The following FOXP1 variants were observed in gnomAD, a reference collection of about 807,000 sequenced individuals.
FOXP1 encodes forkhead box protein P1.
A neutral mutation model predicts 98.2 loss-of-function variants in FOXP1; 15 were observed. The observed-to-expected ratio is 0.15, with a 90% confidence interval of 0.10 to 0.24. The LOEUF (loss-of-function observed/expected upper bound fraction) is 0.24, where lower values mean the gene tolerates loss of function less well. Ranked by LOEUF, FOXP1 falls within the 10% of genes least tolerant of loss-of-function variation. FOXP1 has a pLI of 1.00. For synonymous variants in FOXP1, 371 were observed against 314.5 expected (o/e 1.18, Z -1.90); for missense variants, 633 against 848.5 (o/e 0.75, Z 3.15).
intron 7 of FOXP1, among the ~76,000 whole-genome samples, chr3:71,076,867 C>T (rs957819819): frequency 1.3e-5 from 2 of 152,122 alleles, no homozygotes; most frequent in African/African-American, 4.8e-5. Context: ...GTGTTCTTTA[C>T]TCCTATCCTG....
chr3:71,328,972 G>A (rs1490835874), intron 4 of FOXP1, among the ~76,000 whole-genome samples: 2 of 46,314 alleles, frequency 4.3e-5, no homozygotes, highest in African/African-American at 6.6e-5. Flanking sequence ...ACTCCATCTC[G>A]CTAAAAAAAA....
intron 2 of FOXP1, among the ~76,000 whole-genome samples, chr3:71,498,046 G>C (rs953301956): frequency 6.6e-6 from 1 of 152,222 alleles, no homozygotes; most frequent in East Asian, 1.9e-4. Context: ...AAATGCATGC[G>C]TTCTGGCAGT....
chr3:71,470,694 C>T (rs935951249), intron 3 of FOXP1, among the ~76,000 whole-genome samples: 2 of 152,168 alleles, frequency 1.3e-5, no homozygotes, highest in African/African-American at 2.4e-5. Context: ...GCAGATATCA[C>T]ACCACTGCCC....
intron 5 of FOXP1, among the ~76,000 whole-genome samples, chr3:71,263,493 T>A (rs763384318): frequency 6.6e-6 from 1 of 152,160 alleles, no homozygotes; most frequent in African/African-American, 2.4e-5. Context: ...ACTATGTATA[T>A]CATGTCCTAC....
At chr3:71,007,950 T>C (rs1356973327) in intron 12 of FOXP1, among the ~76,000 whole-genome samples, 1 of 152,180 alleles carries the variant, frequency 6.6e-6, no homozygotes, top group Non-Finnish European at 1.5e-5. Flanking sequence ...TTTCATAAAT[T>C]ACATACATCT....
At chr3:71,423,234 T>G (rs1394153888) in intron 3 of FOXP1, among the ~76,000 whole-genome samples, 3 of 152,152 alleles carry the variant, frequency 2.0e-5, no homozygotes, top group Non-Finnish European at 2.9e-5. Context: ...TAAGCCCATT[T>G]CACAGATGAG....
At chr3:71,050,823 C>T (rs1049583123) in intron 9 of FOXP1, among the ~76,000 whole-genome samples, 1 of 152,200 alleles carries the variant, frequency 6.6e-6, no homozygotes, top group Non-Finnish European at 1.5e-5. Flanking sequence ...GCGCATCAAA[C>T]CACAACTTGT....
chr3:70,977,924 T>A lies in FOXP1; in HGVS notation c.1252A>T (p.Thr418Ser), dbSNP rs2107316696. 1.2e-6 allele frequency: 2 copies of A among 1,614,104 alleles called. No homozygotes were observed. Among genetic ancestry groups the A allele is most frequent in the Non-Finnish European group, 1.7e-6 (2 of 1,180,026 alleles). ...TTPTAPLTPV[T>S]QGPSVITTTS... ...GTTGTGATGACAGAGGGGCCTTGGG[T>A]GACGGGAGTCAGGGGGGCGGTTGGG... The change falls in exon 15 of 21, where the codon ACC becomes TCC. Residue 418 changes from threonine (T) to serine (S), a missense_variant. By Grantham distance (58) the Thr-to-Ser change is moderately conservative (BLOSUM62 1). Around this residue, in one of 6 missense-constraint regions of FOXP1, gnomAD observed 141 missense variants for 199.5 expected, o/e 0.71. Transcript: ENST00000649528.
intron 2 of FOXP1, among the ~76,000 whole-genome samples, chr3:71,543,240 A>C (rs1046459685): frequency 2.0e-5 from 3 of 152,254 alleles, no homozygotes; most frequent in African/African-American, 7.2e-5. Flanking sequence ...AATAAATTGC[A>C]TCATTTAGTT....
chr3:71,399,180 A>T (rs887936390), intron 3 of FOXP1, among the ~76,000 whole-genome samples: 1 of 152,170 alleles, frequency 6.6e-6, no homozygotes, highest in Non-Finnish European at 1.5e-5. Flanking sequence ...ATGTGTGTAC[A>T]TACACATATG....
chr3:71,109,127 T>C (rs1227380253), intron 7 of FOXP1, among the ~76,000 whole-genome samples: 1 of 152,226 alleles, frequency 6.6e-6, no homozygotes, highest in Non-Finnish European at 1.5e-5. Flanking sequence ...ATTAATGCCT[T>C]CATTAATAAA....
At chr3:71,474,955 G>C (rs1016711349) in intron 3 of FOXP1, among the ~76,000 whole-genome samples, 3 of 152,018 alleles carry the variant, frequency 2.0e-5, no homozygotes, top group African/African-American at 4.8e-5. Context: ...GTAGTTTACA[G>C]GCCCTGCCCA....
chr3:70,966,956 C>T (rs572843323), intron 19 of FOXP1, among the ~76,000 whole-genome samples: 1 of 152,268 alleles, frequency 6.6e-6, no homozygotes, highest in Admixed American at 6.5e-5. Context: ...AAGTAAGGTA[C>T]CCAAAAATTT....
intron 9 of FOXP1, among the ~76,000 whole-genome samples, chr3:71,048,702 A>G (rs1576425154): frequency 6.6e-6 from 1 of 152,016 alleles, no homozygotes; most frequent in East Asian, 1.9e-4. Context: ...CACTTCTTCA[A>G]CAGATATTAA....
chr3:71,337,470 G>C (rs1051100544), intron 4 of FOXP1, among the ~76,000 whole-genome samples: 2 of 152,174 alleles, frequency 1.3e-5, no homozygotes, highest in Non-Finnish European at 2.9e-5. Context: ...GTGTATAGTT[G>C]GGAGTGGGTG....
At chr3:71,385,830 G>A (rs1193732918) in intron 3 of FOXP1, among the ~76,000 whole-genome samples, 1 of 152,052 alleles carries the variant, frequency 6.6e-6, no homozygotes, top group African/African-American at 2.4e-5. Context: ...CTCTCTAAAT[G>A]TACCAGTCTC....
chr3:71,162,320 G>C (rs1238490720), intron 6 of FOXP1, among the ~76,000 whole-genome samples: 1 of 152,118 alleles, frequency 6.6e-6, no homozygotes, highest in Non-Finnish European at 1.5e-5. Context: ...CAAAATACTA[G>C]GACAAATGCA....
chr3:71,007,000 A>G (rs1410079793), intron 12 of FOXP1, among the ~76,000 whole-genome samples: 2 of 152,116 alleles, frequency 1.3e-5, no homozygotes, highest in Admixed American at 6.6e-5. Flanking sequence ...AATATTCTAT[A>G]TATCACTAGA....
intron 11 of FOXP1, among the ~76,000 whole-genome samples, chr3:71,030,665 T>C (rs1276410907): frequency 2.0e-5 from 3 of 152,264 alleles, no homozygotes; most frequent in Non-Finnish European, 4.4e-5. Flanking sequence ...CTGTGACTTC[T>C]GTCCCACTGA....
Sources: gnomAD v4.1 joint callset for allele counts (sites outside exome capture counted in the v4.1 genomes callset) on GRCh38, gnomAD v4.1.1 for gene constraint, gnomAD v4.1.1 regional missense constraint, MANE v1.5 for transcripts, NCBI Gene and HGNC (gene_info 2026-07-23, HGNC 2026-07-21) for gene names.